Variants in ARHGEF4 observed in about 807,000 individuals in gnomAD.
The protein encoded by ARHGEF4 is APC-stimulated guanine nucleotide exchange factor 1.
Under a neutral mutation model 162.0 loss-of-function variants are expected in ARHGEF4, and 119 were observed. The ratio of observed to expected loss-of-function variants is 0.73; its 90% CI spans 0.63 to 0.86. ARHGEF4 has a LOEUF of 0.86. Among genes scored for constraint, ARHGEF4 ranks in the 40% least tolerant of loss-of-function variants. ARHGEF4 has a pLI of 0.00. For missense variants in ARHGEF4, 2,488 were observed against 2,456.0 expected, an observed-to-expected ratio of 1.01 and a Z score of -0.28; for synonymous variants, 1,014 against 979.9, an observed-to-expected ratio of 1.03 and a Z score of -0.65.
chr2:131,013,435 T>C (rs1454624475), intron 4 of ARHGEF4, among the ~76,000 whole-genome samples: 1 of 152,174 alleles, frequency 6.6e-6, no homozygotes, highest in African/African-American at 2.4e-5. Context: ...GATGCTTGGA[T>C]GGTTACTTCA....
intron 1 of ARHGEF4, among the ~76,000 whole-genome samples, chr2:130,851,864 A>T (rs919072582): frequency 5.9e-5 from 9 of 152,198 alleles, no homozygotes; most frequent in African/African-American, 1.9e-4. Flanking sequence ...ATGTTTGTAG[A>T]AGCTGGAGAC....
chr2:130,938,278 A>C (rs1683084429), intron 3 of ARHGEF4, among the ~76,000 whole-genome samples: 1 of 152,206 alleles, frequency 6.6e-6, no homozygotes, highest in Non-Finnish European at 1.5e-5. Flanking sequence ...ACCATTTTAC[A>C]TTCCCACCAG....
rs113630958 is a variant in ARHGEF4 at position 131,036,334 on chromosome 2, T to A, written c.4126-2519T>A. ...AGAGTACCTCCCGAGTGGGAGGCTG[T>A]GCAGAAGGGGCTGACATCCTTACAT... is the stretch of plus-strand genomic sequence containing the variant. On this transcript the variant is annotated intron_variant, in intron 5 of 13. Coordinates refer to ENST00000409359, the MANE Select transcript of ARHGEF4 (RefSeq NM_001367493.1). 5.6e-3 allele frequency among the ~76,000 whole-genome samples: 855 copies of A among 152,358 alleles called. 5 individuals carry two copies. Among genetic ancestry groups the A allele is most frequent in the African/African-American group, 0.019 (785 of 41,588 alleles).
At chr2:130,894,123 G>A (rs1243876715) in intron 1 of ARHGEF4, among the ~76,000 whole-genome samples, 6 of 152,214 alleles carry the variant, frequency 3.9e-5, no homozygotes, top group Non-Finnish European at 8.8e-5. Flanking sequence ...TGGGTTTCAC[G>A]TGGTGGACAT....
At chr2:130,883,140 T>C (rs1265041918) in intron 1 of ARHGEF4, among the ~76,000 whole-genome samples, 2 of 152,050 alleles carry the variant, frequency 1.3e-5, no homozygotes, top group Admixed American at 1.3e-4. Context: ...AGAACCTCTG[T>C]GCCCTCTCTG....
chr2:130,916,306 A>G lies in ARHGEF4; in HGVS notation c.2360A>G (p.Glu787Gly). Residue 787 changes from glutamate (E) to glycine (G), a missense_variant, in exon 2 of 14, where the codon GAG becomes GGG. Transcript: ENST00000409359. ...PPRGLRKGAQ[E>G]PGKRPTFSKV... ...CGCGGGCTCCGCAAGGGCGCGCAGG[A>G]GCCTGGGAAGCGCCCGACGTTTTCC... The G allele has an allele frequency of 1.3e-6, 2 of 1,541,870 alleles. No individual in the cohort carries two copies. Among genetic ancestry groups the G allele is most frequent in the East Asian group, 5.0e-5 (2 of 40,326 alleles).
chr2:130,946,088 G>A (rs1401100529), intron 3 of ARHGEF4, among the ~76,000 whole-genome samples: 2 of 152,188 alleles, frequency 1.3e-5, no homozygotes, highest in Non-Finnish European at 2.9e-5. Flanking sequence ...CTGTCTGAAG[G>A]GCAGTGTCTG....
chr2:130,864,877 C>G (rs1304305920), intron 1 of ARHGEF4, among the ~76,000 whole-genome samples: 1 of 152,180 alleles, frequency 6.6e-6, no homozygotes, highest in Non-Finnish European at 1.5e-5. Flanking sequence ...AATTATAGCT[C>G]AACAAATCCT....
intron 4 of ARHGEF4, among the ~76,000 whole-genome samples, chr2:130,981,220 A>C (rs1381979324): frequency 2.6e-5 from 4 of 152,230 alleles, no homozygotes; most frequent in Non-Finnish European, 5.9e-5. Context: ...TGGGAATTCT[A>C]GATAAATAGA....
intron 5 of ARHGEF4, among the ~76,000 whole-genome samples, chr2:131,036,180 G>A (rs186418959): frequency 7.1e-4 from 108 of 152,340 alleles, no homozygotes; most frequent in African/African-American, 2.4e-3. Flanking sequence ...GCCCAGAAAC[G>A]CACCCAGCGC....
intron 1 of ARHGEF4, among the ~76,000 whole-genome samples, chr2:130,882,668 T>C (rs575174240): frequency 1.8e-4 from 28 of 151,992 alleles, no homozygotes; most frequent in Non-Finnish European, 3.5e-4. Flanking sequence ...TCACTGAGGT[T>C]ACTGACTAAA....
intron 4 of ARHGEF4, among the ~76,000 whole-genome samples, chr2:131,006,343 TAAC>T (rs1438036903): frequency 1.3e-5 from 2 of 152,216 alleles, no homozygotes; most frequent in African/African-American, 2.4e-5. Context: ...CAGAAACAGA[TAAC>T]AAATGTATGT....
At chr2:131,039,509 T>C (rs982072650) in intron 6 of ARHGEF4, 1 of 1,024,404 alleles carries the variant, frequency 9.8e-7, no homozygotes, top group African/African-American at 1.7e-5. Flanking sequence ...CCAGGTGCAG[T>C]CTCCAAAAGG....
intron 1 of ARHGEF4, among the ~76,000 whole-genome samples, chr2:130,890,365 C>T (rs1284667626): frequency 6.6e-6 from 1 of 152,138 alleles, no homozygotes; most frequent in Non-Finnish European, 1.5e-5. Context: ...AATTCAAGAC[C>T]AGCCTGACCA....
At chr2:130,950,027 G>A (rs1248152690) in intron 4 of ARHGEF4, among the ~76,000 whole-genome samples, 1 of 152,230 alleles carries the variant, frequency 6.6e-6, no homozygotes, top group African/African-American at 2.4e-5. Flanking sequence ...CCCAGCAGTG[G>A]TGTGTTGTTA....
intron 1 of ARHGEF4, among the ~76,000 whole-genome samples, chr2:130,866,771 T>C (rs989111095): frequency 1.6e-4 from 24 of 152,248 alleles, no homozygotes; most frequent in African/African-American, 5.3e-4. Context: ...GTGGATTCCA[T>C]CTGCTAGAAT....
rs530530863 is a variant in ARHGEF4, at chr2:130,886,618, T to C, written c.40-27368T>C. Reference sequence around the variant, plus strand: ...ATGGCGGGAACCCGGGAGGTGGAGCTTGCAGTGAGCCGAGATCGCGCCACT... The same window carrying C: ...ATGGCGGGAACCCGGGAGGTGGAGCCTGCAGTGAGCCGAGATCGCGCCACT... On this transcript the variant is annotated intron_variant, in intron 1 of 13. Transcript: ENST00000409359. Among the ~76,000 whole-genome samples, 104 of 151,472 alleles carry C rather than the reference T, an allele frequency of 6.9e-4. No homozygotes were observed. The Middle Eastern group carries it at 0.017, about 25-fold the overall frequency.
chr2:130,952,732 A>T (rs1228640137), intron 4 of ARHGEF4, among the ~76,000 whole-genome samples: 2 of 152,220 alleles, frequency 1.3e-5, no homozygotes, highest in East Asian at 3.8e-4. Flanking sequence ...GTACAAAATC[A>T]ATGTGCAAAA....
At position 130,860,666 on chromosome 2, in the gene ARHGEF4, C is replaced by T. The variant is rs571642411; in HGVS notation, c.39+23674C>T. ...CGAAGCTTGCGGTGAGCCGAGATCG[C>T]GTCACTGCACTCCAGCCTGGGCGAC... On this transcript the variant is annotated intron_variant, in intron 1 of 13. Transcript: ENST00000409359. Among the ~76,000 whole-genome samples, 14 of 118,328 alleles carry T rather than the reference C, an allele frequency of 1.2e-4. 5 individuals are homozygous for T. The highest frequency in any genetic ancestry group is 5.8e-4 in the African/African-American group (13 of 22,314). 77.6% of individuals were successfully genotyped at this position (118,328 alleles called of 152,430 possible).
Sources: allele counts gnomAD v4.1 joint callset (sites outside exome capture counted in the v4.1 genomes callset), GRCh38; gene constraint gnomAD v4.1.1; transcripts MANE v1.5; gene names NCBI Gene and HGNC (gene_info 2026-07-23, HGNC 2026-07-21).